Variants in KLHL11 observed in about 807,000 individuals in gnomAD.
KLHL11 encodes the protein kelch-like protein 11.
KLHL11 carries 26 observed loss-of-function variants against 56.1 expected under a neutral mutation model. The observed-to-expected ratio is 0.46, with a 90% CI of 0.34 to 0.64. The LOEUF (loss-of-function observed/expected upper bound fraction) is 0.64. KLHL11 is among the 30% of genes least tolerant of loss of function. The pLI, the probability that KLHL11 is intolerant of heterozygous loss-of-function variation, is 0.01. For synonymous variants in KLHL11, 338 were observed against 345.8 expected (o/e 0.98, Z 0.25); for missense variants, 627 against 919.4 (o/e 0.68, Z 4.11).
In KLHL11 at chr17:41,855,289, C is replaced by T. The variant is rs1555622422; in HGVS notation, c.578G>A (p.Gly193Glu). ...FLLIRLKEFC[G>E]EFLKKKLHLS... Reference sequence around the variant, plus strand: ...ATGAAGTTTTTTCTTGAGAAATTCTCCACAAAATTCTTTTAAACGAATGAG... The same window carrying T: ...ATGAAGTTTTTTCTTGAGAAATTCTTCACAAAATTCTTTTAAACGAATGAG... The change falls in exon 2 of 2, where the codon GGA becomes GAA. Residue 193 changes from glycine to glutamate, a missense_variant. Gly to Glu is a moderately conservative substitution (Grantham distance 98, BLOSUM62 -2). This residue lies in a region of KLHL11 where 150 missense variants were observed against 215.7 expected (regional missense o/e 0.70). Transcript: ENST00000319121. 1 of 1,587,540 alleles carries T rather than the reference C, an allele frequency of 6.3e-7. No homozygotes were observed. Among genetic ancestry groups the T allele is most frequent in the African/African-American group, 1.3e-5 (1 of 74,092 alleles).
rs1189323899 is a variant in KLHL11, at chr17:41,852,778, CAAAAA to C, written c.*957_*961del. On this transcript the variant is annotated 3_prime_UTR_variant, in exon 2 of 2. Transcript: ENST00000319121. ...TGCACTCCAGCCTGGGCAACATGAG[CAAAAA>C]AAAAAAAAAAAAGAGAAAAGGAATA... Among the ~76,000 whole-genome samples, 1 of 49,700 alleles carries C rather than the reference CAAAAA, an allele frequency of 2.0e-5. No individual in the cohort carries two copies. 32.6% of individuals were successfully genotyped at this position (49,700 alleles called of 152,430 possible). A position where few individuals can be genotyped will look rare whatever the true frequency, so the allele number is the denominator to read the frequency against.
In KLHL11 at chr17:41,855,091, G is replaced by A. The variant is rs782594006; in HGVS notation, c.776C>T (p.Thr259Ile). The change falls in exon 2 of 2, where the codon ACA becomes ATA. Residue 259 changes from threonine to isoleucine, a missense_variant. Transcript: ENST00000319121. Reference sequence around the variant, plus strand: ...AAAGAGAACCTCTTCAGAATCAACTGTAATTTCCAAATCTGAAAGCCAGTC... The same window carrying A: ...AAAGAGAACCTCTTCAGAATCAACTATAATTTCCAAATCTGAAAGCCAGTC... ...IRDWLSDLEI[T>I]VDSEEVLFET... The A allele has an allele frequency of 1.9e-6, 3 of 1,614,114 alleles. No homozygotes were observed. Among genetic ancestry groups the A allele is most frequent in the East Asian group, 2.2e-5 (1 of 44,890 alleles).
chr17:41,863,403 G>A (rs1220987822), intron 1 of KLHL11, among the ~76,000 whole-genome samples: 1 of 151,918 alleles, frequency 6.6e-6, no homozygotes, highest in East Asian at 1.9e-4. Context: ...CACAATGTTG[G>A]CCAGGCTGGT....
chr17:41,854,901 G>C lies in KLHL11; in HGVS notation c.966C>G (p.Val322=). Residue 322 remains valine, a synonymous_variant, in exon 2 of 2, where the codon GTC becomes GTG. Coordinates refer to ENST00000319121, the MANE Select transcript of KLHL11 (RefSeq NM_018143.3). This position sits in a 1 kb window ranked among gnomAD's most constrained non-coding sequence, Gnocchi z 4.9. ...VANNEVCVKL[V]ADAVERHALR... is the part of the protein sequence containing the mutation. The stretch of plus-strand genomic sequence containing the variant: ...GAGCATGTCTCTCCACTGCGTCAGC[G>C]ACCAACTTGACACAAACTTCATTAT... 1 of 1,614,138 alleles carries C rather than the reference G, an allele frequency of 6.2e-7. No homozygotes were observed. Among genetic ancestry groups the C allele is most frequent in the East Asian group, 2.2e-5 (1 of 44,886 alleles).
rs1281834720 is a variant in KLHL11 at position 41,861,527 on chromosome 17, A to G, written c.545+3299T>C. 2.6e-5 allele frequency among the ~76,000 whole-genome samples: 4 copies of G among 151,976 alleles called. No homozygotes were observed. The East Asian group carries it at 7.7e-4, about 29-fold the overall frequency. The stretch of plus-strand genomic sequence containing the variant: ...ACAGTGAAACCCCATCTCTACTAAA[A>G]ATACAAAAATTAGCCGAGCGTGCTG... On this transcript the variant is annotated intron_variant, in intron 1 of 1. Coordinates refer to ENST00000319121, the MANE Select transcript of KLHL11 (RefSeq NM_018143.3).
intron 1 of KLHL11, among the ~76,000 whole-genome samples, chr17:41,856,609 C>G (rs7223890): frequency 0.9 from 137,645 of 152,212 alleles, 62,370 homozygotes; most frequent in East Asian, 1. Flanking sequence ...AGCACATATA[C>G]GCTGGGCATG....
At chr17:41,856,303 A>T (rs2048366137) in intron 1 of KLHL11, among the ~76,000 whole-genome samples, 2 of 152,014 alleles carry the variant, frequency 1.3e-5, no homozygotes, top group Admixed American at 6.6e-5. Context: ...GCCTACATTT[A>T]AAAAAATTAT....
At chr17:41,859,142 G>C (rs2048386867) in intron 1 of KLHL11, among the ~76,000 whole-genome samples, 1 of 151,786 alleles carries the variant, frequency 6.6e-6, no homozygotes, top group Non-Finnish European at 1.5e-5. Context: ...CAGCCAGAGG[G>C]GATGGGGTAC....
At chr17:41,859,726 C>T (rs1374975045) in intron 1 of KLHL11, among the ~76,000 whole-genome samples, 6 of 151,994 alleles carry the variant, frequency 3.9e-5, no homozygotes, top group Non-Finnish European at 8.8e-5. Context: ...CCATCCTGGG[C>T]GACATAGTAC....
intron 1 of KLHL11, among the ~76,000 whole-genome samples, chr17:41,864,034 A>T (rs1323421198): frequency 3.9e-5 from 6 of 152,244 alleles, no homozygotes; most frequent in South Asian, 2.1e-4. Flanking sequence ...ATCACTGCTG[A>T]AACCCTAGCA....
chr17:41,859,075 A>AAT (rs1468298349), intron 1 of KLHL11, among the ~76,000 whole-genome samples: 2 of 152,128 alleles, frequency 1.3e-5, no homozygotes, highest in Non-Finnish European at 2.9e-5. Context: ...AGTTGCCCTG[A>AAT]ATATATACTC....
rs377724766 is a variant in KLHL11, at chr17:41,854,244, C to T, written c.1623G>A (p.Pro541=). ...GGAAAAAGCAGTAATTGTCAATAAG[C>T]GGCAAAGATTCCACATCTTGCCACT... The part of the protein sequence containing the change: ...TRQWQDVESL[P]LIDNYCFFQM... Residue 541 remains proline (P), a synonymous_variant, in exon 2 of 2, where the codon CCG becomes CCA. Coordinates refer to ENST00000319121, the MANE Select transcript of KLHL11 (RefSeq NM_018143.3). This position sits in a 1 kb window ranked among gnomAD's most constrained non-coding sequence, Gnocchi z 4.9. 21 of 1,614,082 alleles carry T rather than the reference C, an allele frequency of 1.3e-5. No individual in the cohort carries two copies. The highest frequency in any genetic ancestry group is 3.3e-4 in the Middle Eastern group (2 of 6,084).
In KLHL11 at chr17:41,853,797, C is replaced by A. The variant is rs1487140660; in HGVS notation, c.2070G>T (p.Glu690Asp). ...TCATGTTCAGGGCGTGACGATGTAT[C>A]TCTTGCATCTGTCTGATGCGGTCCT... ...WQKDRIRQMQ[E>D]IHRHALNMRR... Residue 690 changes from glutamate to aspartate, a missense_variant, in exon 2 of 2, where the codon GAG becomes GAT. Glu to Asp is a conservative substitution (Grantham distance 45, BLOSUM62 2). Coordinates refer to ENST00000319121, the MANE Select transcript of KLHL11 (RefSeq NM_018143.3). 6.2e-7 allele frequency: 1 copy of A among 1,614,176 alleles called. No individual in the cohort carries two copies. The highest frequency in any genetic ancestry group is 8.5e-7 in the Non-Finnish European group (1 of 1,180,030).
intron 1 of KLHL11, among the ~76,000 whole-genome samples, chr17:41,858,407 T>A (rs1465614043): frequency 0.12 from 8,591 of 73,162 alleles, 376 homozygotes; most frequent in Middle Eastern, 0.21. Context: ...TATATATATT[T>A]TTTGTTGTTG....
chr17:41,861,567 T>C (rs1322899425), intron 1 of KLHL11, among the ~76,000 whole-genome samples: 1 of 151,420 alleles, frequency 6.6e-6, no homozygotes, highest in South Asian at 2.1e-4. Flanking sequence ...ATGCCTGTAA[T>C]CTCAGCTACT....
In KLHL11 at chr17:41,864,817, C is replaced by A; in HGVS notation, c.545+9G>T. ...CGCCGCCCTCCGCGCTCCCGCCTCCCTCGCCTACCTGTCGGCCAACTCCAG... is the reference window on the plus strand; with the variant it reads ...CGCCGCCCTCCGCGCTCCCGCCTCCATCGCCTACCTGTCGGCCAACTCCAG... On this transcript the variant is annotated intron_variant, in intron 1 of 1. Transcript: ENST00000319121. 6.7e-7 allele frequency: 1 copy of A among 1,494,138 alleles called. No homozygotes were observed. Among genetic ancestry groups the A allele is most frequent in the Non-Finnish European group, 8.9e-7 (1 of 1,119,164 alleles). 92.6% of individuals were successfully genotyped at this position (1,494,138 alleles called of 1,614,324 possible). A position where few individuals can be genotyped will look rare whatever the true frequency, so the allele number is the denominator to read the frequency against.
chr17:41,854,572 G>A lies in KLHL11; in HGVS notation c.1295C>T (p.Thr432Ile), dbSNP rs2048353633. ...CATCAGACTACAAACATGTTCCCATGTATTCAAATTTGGGTTATACCTTTC... is the reference window on the plus strand; with the variant it reads ...CATCAGACTACAAACATGTTCCCATATATTCAAATTTGGGTTATACCTTTC... The part of the protein sequence containing the change: ...TVERYNPNLN[T>I]WEHVCSLMTR... The change falls in exon 2 of 2, where the codon ACA (threonine) becomes ATA (isoleucine). Residue 432 changes from threonine (T) to isoleucine (I), a missense_variant. By Grantham distance (89) the Thr-to-Ile change is moderately conservative. Coordinates refer to ENST00000319121, the MANE Select transcript of KLHL11 (RefSeq NM_018143.3). The surrounding 1 kb of genome is among the most constrained non-coding windows in gnomAD (Gnocchi z 4.9). 1.9e-6 allele frequency: 3 copies of A among 1,614,074 alleles called. No individual in the cohort carries two copies. The highest frequency in any genetic ancestry group is 2.5e-6 in the Non-Finnish European group (3 of 1,180,048).
At chr17:41,856,326 G>C (rs1484933816) in intron 1 of KLHL11, among the ~76,000 whole-genome samples, 1 of 151,962 alleles carries the variant, frequency 6.6e-6, no homozygotes, top group Non-Finnish European at 1.5e-5. Flanking sequence ...TTTTTTTGTA[G>C]AGATGGGGTC....
intron 1 of KLHL11, among the ~76,000 whole-genome samples, chr17:41,856,177 G>A (rs1372563828): frequency 6.6e-6 from 1 of 151,676 alleles, no homozygotes; most frequent in Non-Finnish European, 1.5e-5. Context: ...TTTTAGTAGA[G>A]ATGGGGTTTC....
Sources: allele counts gnomAD v4.1 joint callset (sites outside exome capture counted in the v4.1 genomes callset), GRCh38; gene constraint gnomAD v4.1.1; regional missense constraint gnomAD v4.1.1; non-coding constraint Gnocchi (gnomAD v3.1); transcripts MANE v1.5; gene names NCBI Gene and HGNC (gene_info 2026-07-23, HGNC 2026-07-21).